The following NXPE2 variants were observed in gnomAD, a reference collection of about 807,000 sequenced individuals.
NXPE2 encodes the protein neurexophilin and PC-esterase domain family member 2, also known as NXPE family member 2.
In NXPE2, 34 loss-of-function variants were observed where a neutral mutation model predicts 34.4. That is an observed-to-expected ratio of 0.99 (90% CI 0.75 to 1.31). NXPE2 has a LOEUF of 1.31. NXPE2 is among the 40% of genes most tolerant of loss of function. The pLI is 0.00. For synonymous variants in NXPE2, 235 were observed against 231.3 expected, an observed-to-expected ratio of 1.02 and a Z score of -0.15; for missense variants, 649 against 672.5, an observed-to-expected ratio of 0.97 and a Z score of 0.39.
chr11:114,528,647 T>C, the NXPE2 span: 13 of 449,280 alleles, frequency 2.9e-5, no homozygotes, highest in Non-Finnish European at 4.4e-5. Context: ...TTTCCTCCAA[T>C]TGATGAAAGA....
chr11:114,810,001 C>G, the NXPE2 span, among the ~76,000 whole-genome samples: 1 of 150,418 alleles, frequency 6.6e-6, no homozygotes, highest in African/African-American at 2.5e-5. Flanking sequence ...AGATATAGAC[C>G]AATGGAACAG....
At chr11:114,600,669 G>T in the NXPE2 span, among the ~76,000 whole-genome samples, 2 of 152,004 alleles carry the variant, frequency 1.3e-5, no homozygotes, top group Admixed American at 1.3e-4. Flanking sequence ...CCTGGATTGG[G>T]TCCTGAAATA....
the NXPE2 span, among the ~76,000 whole-genome samples, chr11:114,813,639 T>A: frequency 6.6e-6 from 1 of 152,224 alleles, no homozygotes; most frequent in African/African-American, 2.4e-5. Context: ...ATCTCATACA[T>A]ACTATGTGCA....
At chr11:114,696,323 C>A (rs1346533743) in intron 2 of NXPE2, among the ~76,000 whole-genome samples, 1 of 121,796 alleles carries the variant, frequency 8.2e-6, no homozygotes, top group Non-Finnish European at 1.6e-5. Flanking sequence ...CAGAGTGAGA[C>A]TCCATATCAA....
the NXPE2 span, among the ~76,000 whole-genome samples, chr11:114,467,485 A>G: frequency 1.1e-4 from 17 of 152,166 alleles, no homozygotes; most frequent in African/African-American, 4.1e-4. Flanking sequence ...TCCCCAAACT[A>G]CTTAAGATGA....
chr11:114,583,723 C>T, the NXPE2 span: 1 of 545,434 alleles, frequency 1.8e-6, no homozygotes, highest in South Asian at 1.4e-5. Context: ...ATGATACAAT[C>T]TGGGCCACCT....
the NXPE2 span, among the ~76,000 whole-genome samples, chr11:114,475,852 G>A: frequency 6.6e-6 from 1 of 152,148 alleles, no homozygotes; most frequent in African/African-American, 2.4e-5. Context: ...ATTACCGGGA[G>A]AGAAGGAGGT....
chr11:114,673,167 TG>T, the NXPE2 span, among the ~76,000 whole-genome samples: 2 of 150,272 alleles, frequency 1.3e-5, no homozygotes, highest in Non-Finnish European at 3.0e-5. Flanking sequence ...AAATTGGTAA[TG>T]AAAATAAATT....
the NXPE2 span, among the ~76,000 whole-genome samples, chr11:114,468,955 G>A: frequency 2.4e-4 from 36 of 152,078 alleles, no homozygotes; most frequent in East Asian, 7.0e-3. Flanking sequence ...AAAATTTAAG[G>A]TGAAATGATT....
At chr11:114,545,846 G>A in the NXPE2 span, among the ~76,000 whole-genome samples, 1 of 151,932 alleles carries the variant, frequency 6.6e-6, no homozygotes, top group African/African-American at 2.4e-5. Flanking sequence ...ACACCACCAC[G>A]CCCAGCTAAT....
At chr11:114,520,233 T>C in the NXPE2 span, among the ~76,000 whole-genome samples, 2 of 152,088 alleles carry the variant, frequency 1.3e-5, no homozygotes, top group African/African-American at 2.4e-5. Flanking sequence ...AACTGCAAGT[T>C]TGTACCCTTT....
the NXPE2 span, among the ~76,000 whole-genome samples, chr11:114,727,644 A>G: frequency 6.6e-6 from 1 of 151,952 alleles, no homozygotes; most frequent in Non-Finnish European, 1.5e-5. Flanking sequence ...TCCTCTCCTT[A>G]CTCAAGTTTT....
At chr11:114,545,125 A>T in the NXPE2 span, among the ~76,000 whole-genome samples, 105 of 152,312 alleles carry the variant, frequency 6.9e-4, no homozygotes, top group Middle Eastern at 3.4e-3. Flanking sequence ...GGAATCCAAA[A>T]TGGCACAGCT....
At chr11:114,769,344 T>C in the NXPE2 span, among the ~76,000 whole-genome samples, 1 of 152,146 alleles carries the variant, frequency 6.6e-6, no homozygotes, top group East Asian at 1.9e-4. Context: ...GAAATAGGAA[T>C]GCTTTTACAC....
At chr11:114,690,023 C>A (rs1442964847) in intron 2 of NXPE2, among the ~76,000 whole-genome samples, 1 of 152,022 alleles carries the variant, frequency 6.6e-6, no homozygotes, top group East Asian at 1.9e-4. Flanking sequence ...AAGGATGGGT[C>A]TTATTTTTTA....
the NXPE2 span, among the ~76,000 whole-genome samples, chr11:114,542,525 C>A: frequency 1.8e-4 from 28 of 152,074 alleles, no homozygotes; most frequent in African/African-American, 6.5e-4. Context: ...TGGTTGTGTG[C>A]TCTGACAATG....
At chr11:114,599,113 G>T in the NXPE2 span, among the ~76,000 whole-genome samples, 2 of 152,094 alleles carry the variant, frequency 1.3e-5, no homozygotes, top group African/African-American at 2.4e-5. Flanking sequence ...TAGCCAGGCT[G>T]CTTCTTGAAC....
chr11:114,540,756 A>G, the NXPE2 span, among the ~76,000 whole-genome samples: 1 of 147,536 alleles, frequency 6.8e-6, no homozygotes, highest in Non-Finnish European at 1.5e-5. Flanking sequence ...TGCCATTAAG[A>G]GGAGGTAAGT....
chr11:114,810,081 G>T, the NXPE2 span, among the ~76,000 whole-genome samples: 6 of 149,662 alleles, frequency 4.0e-5, no homozygotes, highest in Middle Eastern at 3.5e-3. Flanking sequence ...ACAAAAACAA[G>T]CAATGGGGAA....
Sources: gnomAD v4.1 joint callset for allele counts (sites outside exome capture counted in the v4.1 genomes callset) on GRCh38, gnomAD v4.1.1 for gene constraint, MANE v1.5 for transcripts, NCBI Gene and HGNC (gene_info 2026-07-23, HGNC 2026-07-21) for gene names.